DLD: variants seen among roughly 807,000 people sequenced by gnomAD.
DLD encodes the protein dihydrolipoyl dehydrogenase, mitochondrial.
A neutral mutation model predicts 62.2 loss-of-function variants in DLD; 36 were observed. That is an observed-to-expected ratio of 0.58 (90% CI 0.44 to 0.76). DLD has a LOEUF of 0.76. DLD is among the 30% of genes least tolerant of loss of function. The pLI, the probability that DLD is intolerant of heterozygous loss-of-function variation, is 0.00. For missense variants in DLD, 541 were observed against 608.6 expected (o/e 0.89, Z 1.17); for synonymous variants, 204 against 199.6 (o/e 1.02, Z -0.19).
rs1345294191 is a variant in DLD, at chr7:107,919,118, T to C, written c.1464+19T>C. 5 of 1,612,462 alleles carry C rather than the reference T, an allele frequency of 3.1e-6. No homozygotes were observed. The highest frequency in any genetic ancestry group is 1.1e-5 in the South Asian group (1 of 91,048). ...ACATCCGGTAATTATTAACAACATA[T>C]AGAATTGATGGTTGCCTAAATTTTC... On this transcript the variant is annotated intron_variant, in intron 13 of 13. Coordinates refer to ENST00000205402, the MANE Select transcript of DLD (RefSeq NM_000108.5).
Position 107,917,349 on chromosome 7 carries a change from G to A in DLD, c.1123G>A (p.Glu375Lys), listed in dbSNP as rs121964992. The part of the protein sequence containing the change: ...KAEDEGIICV[E>K]GMAGGAVHID... ...AGAGGATGAAGGCATTATCTGTGTT[G>A]AAGGAATGGCTGGTGGTGCTGTGCA... The change falls in exon 11 of 14, where the codon GAA (glutamate) becomes AAA (lysine). Residue 375 changes from glutamate to lysine, a missense_variant. Physicochemically the swap from Glu to Lys is moderately conservative, Grantham distance 56 (BLOSUM62 1). Coordinates refer to ENST00000205402, the MANE Select transcript of DLD (RefSeq NM_000108.5). 92 of 1,614,052 alleles carry A rather than the reference G, an allele frequency of 5.7e-5. No individual in the cohort carries two copies. The highest frequency in any genetic ancestry group is 1.4e-5 in the Non-Finnish European group (16 of 1,180,030).
intron 1 of DLD, among the ~76,000 whole-genome samples, chr7:107,892,896 G>GT: frequency 6.6e-6 from 1 of 152,260 alleles, no homozygotes; most frequent in African/African-American, 2.4e-5. Flanking sequence ...AATTAGCCAT[G>GT]TTTTCTGAAA....
intron 2 of DLD, 79 bp downstream of exon 2, chr7:107,893,357 A>G: frequency 2.8e-6 from 3 of 1,080,118 alleles, no homozygotes; most frequent in Non-Finnish European, 4.2e-6. Flanking sequence ...GCAAGTGAAT[A>G]TTGGAATAAC....
intron 9 of DLD, 105 bp from the exon 10 acceptor site, chr7:107,916,689 A>G (rs1331860000): frequency 8.0e-7 from 1 of 1,244,748 alleles, no homozygotes; most frequent in Admixed American, 1.7e-5. Flanking sequence ...AACAAAACAA[A>G]AATGAAAATG....
intron 8 of DLD, among the ~76,000 whole-genome samples, chr7:107,912,201 A>T (rs1015322318): frequency 6.6e-6 from 1 of 152,056 alleles, no homozygotes; most frequent in East Asian, 1.9e-4. Flanking sequence ...TCCATTGTGT[A>T]TATGTACCAC....
chr7:107,912,080 C>T (rs746508907), intron 8 of DLD, among the ~76,000 whole-genome samples: 3 of 151,816 alleles, frequency 2.0e-5, no homozygotes, highest in Non-Finnish European at 2.9e-5. Flanking sequence ...TTAGAACATG[C>T]GATATTTGTC....
intron 10 of DLD, 80 bp downstream of exon 10, chr7:107,917,044 C>A: frequency 7.0e-7 from 1 of 1,426,354 alleles, no homozygotes; most frequent in Non-Finnish European, 9.8e-7. Context: ...GATTTTTATG[C>A]TTAAAATATG....
chr7:107,907,407 TC>T (rs1317430325), intron 8 of DLD, among the ~76,000 whole-genome samples: 1 of 152,172 alleles, frequency 6.6e-6, no homozygotes, highest in Non-Finnish European at 1.5e-5. Context: ...TTTCTACTCT[TC>T]TCAAATCTCT....
chr7:107,896,407 T>C (rs988722214), intron 2 of DLD, among the ~76,000 whole-genome samples: 10 of 152,212 alleles, frequency 6.6e-5, no homozygotes, highest in Non-Finnish European at 1.5e-4. Flanking sequence ...AGGCTGCAGG[T>C]GTCATCCTTA....
At chr7:107,903,640 A>G in intron 5 of DLD, 93 bp downstream of exon 5, 1 of 696,572 alleles carries the variant, frequency 1.4e-6, no homozygotes, top group Admixed American at 2.3e-5. Context: ...TACGCATAAT[A>G]GATGTTTAGT....
intron 8 of DLD, among the ~76,000 whole-genome samples, chr7:107,908,980 C>A (rs1354639166): frequency 6.6e-6 from 1 of 152,150 alleles, no homozygotes; most frequent in Non-Finnish European, 1.5e-5. Context: ...CCTTTGGATC[C>A]TGTCTAGTCC....
intron 8 of DLD, among the ~76,000 whole-genome samples, chr7:107,906,664 T>G (rs1031013002): frequency 6.6e-6 from 1 of 152,354 alleles, no homozygotes; most frequent in African/African-American, 2.4e-5. Context: ...TGAGGACAGC[T>G]TTTATCCTGG....
At chr7:107,914,668 A>G (rs1454169924) in intron 8 of DLD, among the ~76,000 whole-genome samples, 1 of 152,148 alleles carries the variant, frequency 6.6e-6, no homozygotes, top group Non-Finnish European at 1.5e-5. Flanking sequence ...GGGAAGGTAA[A>G]CTTTTATAGT....
chr7:107,906,831 G>A (rs1362051938), intron 8 of DLD, among the ~76,000 whole-genome samples: 3 of 152,086 alleles, frequency 2.0e-5, no homozygotes, highest in African/African-American at 7.2e-5. Flanking sequence ...TAGACCTTCT[G>A]TCTGCCTTGT....
At chr7:107,902,045 C>G (rs992119823) in intron 3 of DLD, among the ~76,000 whole-genome samples, 1 of 152,144 alleles carries the variant, frequency 6.6e-6, no homozygotes, top group Non-Finnish European at 1.5e-5. Context: ...TTCATTTTGG[C>G]ATCTAATCAC....
intron 2 of DLD, among the ~76,000 whole-genome samples, chr7:107,896,198 A>G (rs1267135284): frequency 6.6e-6 from 1 of 152,240 alleles, no homozygotes; most frequent in Non-Finnish European, 1.5e-5. Context: ...GCGTAACAAC[A>G]GAGAGAATAA....
intron 2 of DLD, among the ~76,000 whole-genome samples, chr7:107,900,925 G>A (rs1428296597): frequency 6.6e-6 from 1 of 152,098 alleles, no homozygotes; most frequent in African/African-American, 2.4e-5. Flanking sequence ...TTTGAAGTTG[G>A]ATTGAGAAGA....
intron 8 of DLD, among the ~76,000 whole-genome samples, chr7:107,912,639 GTCTATTCGGAT>G (rs1451292245): frequency 6.6e-6 from 1 of 152,082 alleles, no homozygotes; most frequent in Non-Finnish European, 1.5e-5. Flanking sequence ...TTTGAGAAAT[GTCTATTCGGAT>G]CTGGTGCTCA....
chr7:107,891,444 C>T (rs918655359), intron 1 of DLD, 155 bp downstream of exon 1: 1 of 828,978 alleles, frequency 1.2e-6, no homozygotes, highest in Non-Finnish European at 2.0e-6. Flanking sequence ...CAGCCCGGCC[C>T]TGGGCTCCGA....
Sources: gnomAD v4.1 joint callset for allele counts (sites outside exome capture counted in the v4.1 genomes callset) on GRCh38, gnomAD v4.1.1 for gene constraint, MANE v1.5 for transcripts, NCBI Gene and HGNC (gene_info 2026-07-23, HGNC 2026-07-21) for gene names.